Variants in CSMD1 observed in about 807,000 individuals in gnomAD.
The protein encoded by CSMD1 is CUB and Sushi multiple domains 1.
A neutral mutation model predicts 417.5 loss-of-function variants in CSMD1; 213 were observed. That is an observed-to-expected ratio of 0.51 (90% CI 0.46 to 0.57). The LOEUF is 0.57. Ranked by LOEUF, CSMD1 falls within the 20% of genes least tolerant of loss-of-function variation. CSMD1 has a pLI of 0.00. For synonymous variants in CSMD1, 2,862 were observed against 1,736.8 expected, an observed-to-expected ratio of 1.65 and a Z score of -16.11; for missense variants, 6,923 against 4,529.7, an observed-to-expected ratio of 1.53 and a Z score of -15.17.
At chr8:4,188,199 G>T (rs527659889) in intron 3 of CSMD1, among the ~76,000 whole-genome samples, 19 of 152,114 alleles carry the variant, frequency 1.2e-4, no homozygotes, top group African/African-American at 4.6e-4. Flanking sequence ...TGGCAGGAAG[G>T]GACAATTTTA....
intron 10 of CSMD1, among the ~76,000 whole-genome samples, chr8:3,571,895 G>T (rs1034214689): frequency 6.6e-6 from 1 of 152,098 alleles, no homozygotes; most frequent in East Asian, 1.9e-4. Flanking sequence ...GTGTACTTCC[G>T]TCCTCTCCAC....
At chr8:3,168,626 C>G (rs1402341415) in intron 37 of CSMD1, among the ~76,000 whole-genome samples, 2 of 142,566 alleles carry the variant, frequency 1.4e-5, no homozygotes, top group Non-Finnish European at 3.0e-5. Flanking sequence ...GTCAGTAAGT[C>G]TTCATCACAC....
intron 1 of CSMD1, among the ~76,000 whole-genome samples, chr8:4,976,421 G>T (rs748040226): frequency 6.6e-6 from 1 of 152,070 alleles, no homozygotes; most frequent in Non-Finnish European, 1.5e-5. Flanking sequence ...GAAATATAAA[G>T]AAAGTTTGTT....
In CSMD1 at chr8:3,087,219, A is replaced by G. The variant is rs1814596573; in HGVS notation, c.7352T>C (p.Val2451Ala). ...GGILNRTAGA[V>A]GSKVHYFCKP... is the part of the protein sequence containing the mutation. The stretch of plus-strand genomic sequence containing the variant: ...GCAAAAATAATGCACTTTGCTTCCA[A>G]CCGCTCCTGCAGTCCTGTTTAGAAT... Residue 2451 changes from valine (V) to alanine (A), a missense_variant, in exon 49 of 70, where the codon GTT (valine) becomes GCT (alanine). By Grantham distance (64) the Val-to-Ala change is moderately conservative. Coordinates refer to ENST00000635120, the MANE Select transcript of CSMD1 (RefSeq NM_033225.6). The G allele has an allele frequency of 6.2e-7, 1 of 1,613,932 alleles. No individual in the cohort carries two copies. The highest frequency in any genetic ancestry group is 8.5e-7 in the Non-Finnish European group (1 of 1,179,868).
At chr8:4,244,025 C>G (rs1802551366) in intron 3 of CSMD1, among the ~76,000 whole-genome samples, 1 of 152,154 alleles carries the variant, frequency 6.6e-6, no homozygotes, top group Non-Finnish European at 1.5e-5. Flanking sequence ...TGCATTTTAA[C>G]CTGGCTGCAG....
intron 5 of CSMD1, among the ~76,000 whole-genome samples, chr8:3,905,854 G>A (rs935194461): frequency 6.6e-6 from 1 of 152,194 alleles, no homozygotes; most frequent in African/African-American, 2.4e-5. Flanking sequence ...CTTCCGGACT[G>A]TGGACCCAAT....
intron 1 of CSMD1, among the ~76,000 whole-genome samples, chr8:4,875,420 G>C (rs566038821): frequency 6.6e-6 from 1 of 152,126 alleles, no homozygotes; most frequent in African/African-American, 2.4e-5. Context: ...AAACAGGGGA[G>C]GGAGTTCTAT....
intron 1 of CSMD1, among the ~76,000 whole-genome samples, chr8:4,935,142 T>C (rs770004474): frequency 6.6e-6 from 1 of 152,230 alleles, no homozygotes; most frequent in Non-Finnish European, 1.5e-5. Flanking sequence ...AATATGTGTA[T>C]CAGTCACAGG....
At chr8:4,929,334 T>C (rs1807080400) in intron 1 of CSMD1, among the ~76,000 whole-genome samples, 1 of 152,164 alleles carries the variant, frequency 6.6e-6, no homozygotes, top group Admixed American at 6.6e-5. Flanking sequence ...TTAAGCCACC[T>C]ACCCTATCAC....
intron 5 of CSMD1, among the ~76,000 whole-genome samples, chr8:3,857,648 T>C (rs1247998079): frequency 1.3e-5 from 2 of 152,122 alleles, no homozygotes; most frequent in African/African-American, 4.8e-5. Flanking sequence ...GGGACACAGA[T>C]GGTCCGAATG....
At chr8:2,998,217 T>C (rs750847805) in intron 53 of CSMD1, 33 bp from the exon 54 acceptor site, 6 of 1,605,220 alleles carry the variant, frequency 3.7e-6, no homozygotes, top group Non-Finnish European at 5.1e-6. Context: ...CATTGTTAAA[T>C]ATTGAACAGG....
At chr8:3,430,829 AAAG>A (rs1454775112) in intron 12 of CSMD1, among the ~76,000 whole-genome samples, 2 of 152,182 alleles carry the variant, frequency 1.3e-5, no homozygotes, top group African/African-American at 2.4e-5. Context: ...AAAAAAATTC[AAAG>A]AAGCTCTTTG....
At chr8:4,691,953 T>A (rs950755513) in intron 1 of CSMD1, among the ~76,000 whole-genome samples, 1 of 152,216 alleles carries the variant, frequency 6.6e-6, no homozygotes, top group Admixed American at 6.5e-5. Flanking sequence ...GCAAATAAAC[T>A]GCAGCTCTCG....
intron 3 of CSMD1, among the ~76,000 whole-genome samples, chr8:4,333,414 T>C (rs1799987190): frequency 6.6e-6 from 1 of 152,106 alleles, no homozygotes; most frequent in African/African-American, 2.4e-5. Context: ...TCTCCTCAAC[T>C]ACCTGTTGCC....
intron 1 of CSMD1, among the ~76,000 whole-genome samples, chr8:4,783,721 G>C (rs1053391663): frequency 6.6e-6 from 1 of 152,116 alleles, no homozygotes; most frequent in African/African-American, 2.4e-5. Flanking sequence ...CTCCAAACTT[G>C]AGTGGAAACT....
intron 1 of CSMD1, chr8:4,787,368 T>C (rs912762765): frequency 1.6e-5 from 12 of 730,608 alleles, no homozygotes; most frequent in African/African-American, 8.8e-5. Context: ...TGGTAAAAAA[T>C]TGTATGAGGG....
At chr8:4,439,188 T>C (rs916839680) in intron 2 of CSMD1, among the ~76,000 whole-genome samples, 3 of 152,220 alleles carry the variant, frequency 2.0e-5, no homozygotes, top group Admixed American at 6.5e-5. Context: ...TGAGCCATTT[T>C]ATTAAACACA....
At chr8:3,689,619 G>C (rs1367065971) in intron 7 of CSMD1, among the ~76,000 whole-genome samples, 1 of 152,130 alleles carries the variant, frequency 6.6e-6, no homozygotes, top group African/African-American at 2.4e-5. Context: ...GAAATATTTA[G>C]AGTGTGCTTA....
intron 3 of CSMD1, among the ~76,000 whole-genome samples, chr8:4,221,705 G>A (rs958235206): frequency 2.6e-5 from 4 of 152,164 alleles, no homozygotes; most frequent in Non-Finnish European, 5.9e-5. Context: ...ATAGACTGGA[G>A]GCTTTCTCTC....
Sources: gnomAD v4.1 joint callset for allele counts (sites outside exome capture counted in the v4.1 genomes callset) on GRCh38, gnomAD v4.1.1 for gene constraint, MANE v1.5 for transcripts, NCBI Gene and HGNC (gene_info 2026-07-23, HGNC 2026-07-21) for gene names.